CTDSPL: variants seen among roughly 807,000 people sequenced by gnomAD.
CTDSPL encodes the protein CTD small phosphatase like, also known as CTD small phosphatase-like protein.
Under a neutral mutation model 30.5 loss-of-function variants are expected in CTDSPL, and 8 were observed. The observed-to-expected ratio is 0.26, with a 90% confidence interval of 0.15 to 0.47. The LOEUF (loss-of-function observed/expected upper bound fraction) is 0.47, where lower values mean the gene tolerates loss of function less well. Ranked by LOEUF, CTDSPL falls within the 20% of genes least tolerant of loss-of-function variation. The probability of loss-of-function intolerance (pLI) is 0.99; values close to 1 mark genes in which losing one functional copy is unlikely to be tolerated. For synonymous variants in CTDSPL, 110 were observed against 137.9 expected (o/e 0.80, Z 1.42); for missense variants, 248 against 366.1 (o/e 0.68, Z 2.63).
At chr3:37,915,158 AG>A (rs1230893770) in intron 1 of CTDSPL, among the ~76,000 whole-genome samples, 1 of 152,162 alleles carries the variant, frequency 6.6e-6, no homozygotes, top group Admixed American at 6.5e-5. Flanking sequence ...TCTGGCTTTT[AG>A]TATATTCATT....
At chr3:37,972,331 A>G (rs1239180112) in intron 6 of CTDSPL, among the ~76,000 whole-genome samples, 2 of 152,094 alleles carry the variant, frequency 1.3e-5, no homozygotes, top group African/African-American at 4.8e-5. Flanking sequence ...ATCCCGTCTC[A>G]AAATACAAAA....
At chr3:37,943,271 G>A (rs1437312459) in intron 1 of CTDSPL, among the ~76,000 whole-genome samples, 2 of 150,298 alleles carry the variant, frequency 1.3e-5, no homozygotes, top group East Asian at 2.0e-4. Context: ...TCCATGGGGC[G>A]GTTGGCGAAG....
chr3:37,961,453 C>T (rs763171680), intron 3 of CTDSPL, among the ~76,000 whole-genome samples: 4 of 152,144 alleles, frequency 2.6e-5, no homozygotes, highest in Non-Finnish European at 5.9e-5. Context: ...CTGAGTCCTA[C>T]CGATCCCATA....
chr3:37,949,310 C>T (rs1699081452), intron 2 of CTDSPL, among the ~76,000 whole-genome samples: 1 of 152,112 alleles, frequency 6.6e-6, no homozygotes, highest in African/African-American at 2.4e-5. Flanking sequence ...TTGATGCAGG[C>T]AGTTCCCCTT....
At chr3:37,890,873 C>T (rs1027730401) in intron 1 of CTDSPL, among the ~76,000 whole-genome samples, 1 of 152,184 alleles carries the variant, frequency 6.6e-6, no homozygotes, top group Non-Finnish European at 1.5e-5. Context: ...GAGAAAATTT[C>T]CTTCATAGAT....
intron 2 of CTDSPL, among the ~76,000 whole-genome samples, chr3:37,956,410 CT>C (rs1256559810): frequency 3.3e-5 from 5 of 152,306 alleles, no homozygotes; most frequent in African/African-American, 9.6e-5. Flanking sequence ...TGGAAATAAA[CT>C]TTTTTATTAG....
At chr3:37,873,738 T>A (rs944521805) in intron 1 of CTDSPL, among the ~76,000 whole-genome samples, 2 of 152,258 alleles carry the variant, frequency 1.3e-5, no homozygotes, top group African/African-American at 4.8e-5. Context: ...TAATGACTGA[T>A]GTAAAAGTCA....
At chr3:37,869,270 C>A (rs1229196885) in intron 1 of CTDSPL, among the ~76,000 whole-genome samples, 1 of 152,012 alleles carries the variant, frequency 6.6e-6, no homozygotes, top group Non-Finnish European at 1.5e-5. Flanking sequence ...TTTATCATTT[C>A]TTTGTGTTGG....
chr3:37,922,754 G>C (rs1698732623), intron 1 of CTDSPL, among the ~76,000 whole-genome samples: 1 of 152,198 alleles, frequency 6.6e-6, no homozygotes. Flanking sequence ...TTCCAAACAA[G>C]GGATTGGCAA....
chr3:37,901,350 G>A (rs1411379556), intron 1 of CTDSPL, among the ~76,000 whole-genome samples: 1 of 142,428 alleles, frequency 7.0e-6, no homozygotes, highest in Non-Finnish European at 1.6e-5. Context: ...TTCTTCCCAG[G>A]GGGACAGGCA....
intron 3 of CTDSPL, among the ~76,000 whole-genome samples, chr3:37,963,999 T>G (rs1369383638): frequency 7.3e-6 from 1 of 137,848 alleles, no homozygotes; most frequent in Non-Finnish European, 1.5e-5. Flanking sequence ...GGGCCTATAG[T>G]TTGTCTTCAA....
At chr3:37,943,452 T>G (rs1198976703) in intron 1 of CTDSPL, among the ~76,000 whole-genome samples, 1 of 149,168 alleles carries the variant, frequency 6.7e-6, no homozygotes, top group Non-Finnish European at 1.5e-5. Flanking sequence ...ATAAGGGAGG[T>G]TATCAGGGAA....
At chr3:37,925,748 G>A (rs1376764439) in intron 1 of CTDSPL, among the ~76,000 whole-genome samples, 1 of 152,128 alleles carries the variant, frequency 6.6e-6, no homozygotes, top group Non-Finnish European at 1.5e-5. Flanking sequence ...AGTGGAGGGT[G>A]TGTGACAGAG....
chr3:37,962,329 A>G lies in CTDSPL; in HGVS notation c.268-2242A>G, dbSNP rs552676989. ...GCTCTCAGGGAAGCTGTGTGCATTT[A>G]GGAAACAGCAGAGGATTAATGGAAC... On this transcript the variant is annotated intron_variant, in intron 3 of 7. Transcript: ENST00000273179. 3.3e-5 allele frequency among the ~76,000 whole-genome samples: 5 copies of G among 152,348 alleles called. No individual in the cohort carries two copies. The South Asian group carries it at 1.0e-3, about 32-fold the overall frequency.
At chr3:37,957,293 T>G (rs1280645674) in intron 3 of CTDSPL, 150 bp downstream of exon 3, 2 of 563,272 alleles carry the variant, frequency 3.6e-6, no homozygotes, top group African/African-American at 2.0e-5. Context: ...AAAAGAAAAC[T>G]GAAGCTGCAT....
intron 1 of CTDSPL, among the ~76,000 whole-genome samples, chr3:37,882,441 C>CAAAA (rs35235848): frequency 1.8e-4 from 22 of 120,914 alleles, no homozygotes; most frequent in African/African-American, 4.8e-4. Context: ...GACTCTAACT[C>CAAAA]AAAAAAAAAA....
At chr3:37,950,209 T>C (rs1402873133) in intron 2 of CTDSPL, among the ~76,000 whole-genome samples, 1 of 152,182 alleles carries the variant, frequency 6.6e-6, no homozygotes, top group East Asian at 1.9e-4. Context: ...CACTCCTTGC[T>C]GGGCCTTGCA....
Position 37,967,856 on chromosome 3 carries a change from G to A in CTDSPL, c.400G>A (p.Val134Ile). The A allele has an allele frequency of 6.2e-7, 1 of 1,600,848 alleles. No individual in the cohort carries two copies. The highest frequency in any genetic ancestry group is 8.5e-7 in the Non-Finnish European group (1 of 1,176,336). ...PISNADFIVPVEIDGTIHQVY... is the reference protein window; with the variant it reads ...PISNADFIVPIEIDGTIHQVY... ...TAGTAATGCTGATTTTATTGTTCCG[G>A]TTGAAATCGATGGAACTATACATCA... Residue 134 changes from valine (V) to isoleucine (I), a missense_variant, in exon 5 of 8, where the codon GTT becomes ATT. Physicochemically the swap from Val to Ile is conservative, Grantham distance 29 (BLOSUM62 3). This residue lies in a region of CTDSPL where 45 missense variants were observed against 83.1 expected (regional missense o/e 0.54). Transcript: ENST00000273179.
chr3:37,976,436 A>T (rs1449682893), intron 7 of CTDSPL, among the ~76,000 whole-genome samples: 4 of 152,078 alleles, frequency 2.6e-5, no homozygotes, highest in Non-Finnish European at 5.9e-5. Context: ...GATCGAGACC[A>T]TCCTGGCCAA....
Sources: allele counts gnomAD v4.1 joint callset (sites outside exome capture counted in the v4.1 genomes callset), GRCh38; gene constraint gnomAD v4.1.1; regional missense constraint gnomAD v4.1.1; transcripts MANE v1.5; gene names NCBI Gene and HGNC (gene_info 2026-07-23, HGNC 2026-07-21).